SIGLECL1: variants seen among roughly 807,000 people sequenced by gnomAD.
The protein encoded by SIGLECL1 is SIGLEC family like 1.
SIGLECL1 carries 16 observed loss-of-function variants against 19.1 expected under a neutral mutation model. That is an observed-to-expected ratio of 0.84 (90% CI 0.57 to 1.27). The LOEUF is 1.27. Ranked by LOEUF, SIGLECL1 falls within the 50% of genes most tolerant of loss-of-function variation. The probability of loss-of-function intolerance (pLI) is 0.00; values close to 1 mark genes in which losing one functional copy is unlikely to be tolerated. For synonymous variants in SIGLECL1, 89 were observed against 90.4 expected (o/e 0.98, Z 0.09); for missense variants, 210 against 239.4 (o/e 0.88, Z 0.81).
At chr19:51,247,593 A>T (rs536907235), upstream of SIGLECL1, among the ~76,000 whole-genome samples, 1 of 152,024 alleles carries the variant, frequency 6.6e-6, no homozygotes, top group Non-Finnish European at 1.5e-5. Flanking sequence ...TAATTTTTGT[A>T]TTTTTAGTAG....
rs1015851417 is a variant in SIGLECL1 at position 51,254,597 on chromosome 19, G to A, written c.-191+3052G>A. ...CCAGAATAGGCAAATTTATAATTAC[G>A]GAAAATAGATTAGTGGTTGCCTACA... On this transcript the variant is annotated intron_variant, in intron 1 of 5. Coordinates refer to ENST00000601727, the MANE Select transcript of SIGLECL1 (RefSeq NM_001385465.1). Among the ~76,000 whole-genome samples, 23 of 152,170 alleles carry A rather than the reference G, an allele frequency of 1.5e-4. No individual in the cohort carries two copies. In the South Asian group the frequency reaches 1.7e-3, roughly 11 times the overall value.
At position 51,265,755 on chromosome 19, in the gene SIGLECL1, CTCACAT is replaced by C; in HGVS notation, c.305-21_305-16del. ...GAGTTTTGGCTCCGATGCCAAACTT[CTCACAT>C]GCTCTCTGCTTCCAGGAAAGAGTTC... is the stretch of plus-strand genomic sequence containing the variant. On this transcript the variant is annotated splice_polypyrimidine_tract_variant and intron_variant, in intron 3 of 5. Transcript: ENST00000601727. The C allele has an allele frequency of 6.2e-7, 1 of 1,614,082 alleles. No individual in the cohort carries two copies. The highest frequency in any genetic ancestry group is 1.7e-5 in the Admixed American group (1 of 60,030).
At chr19:51,252,591 G>GA (rs1020533895) in intron 1 of SIGLECL1, among the ~76,000 whole-genome samples, 4 of 150,958 alleles carry the variant, frequency 2.6e-5, no homozygotes, top group East Asian at 1.9e-4. Flanking sequence ...AAAGGGGAAG[G>GA]AAAAAAAAAT....
chr19:51,263,357 T>C (rs1039723143), intron 1 of SIGLECL1, among the ~76,000 whole-genome samples: 1 of 152,244 alleles, frequency 6.6e-6, no homozygotes, highest in African/African-American at 2.4e-5. Context: ...TGTTTTACAC[T>C]TCTCACCAAA....
At chr19:51,268,377 CAG>C (rs1164705098) in intron 5 of SIGLECL1, among the ~76,000 whole-genome samples, 192 bp from the exon 6 acceptor site, 3 of 152,092 alleles carry the variant, frequency 2.0e-5, no homozygotes, top group Admixed American at 2.0e-4. Flanking sequence ...TGAAGATGCA[CAG>C]AGAGGACCAG....
rs78793578 is a variant in SIGLECL1, at chr19:51,268,984, C to T, written c.*387C>T. On this transcript the variant is annotated 3_prime_UTR_variant, in exon 6 of 6. Coordinates refer to ENST00000601727, the MANE Select transcript of SIGLECL1 (RefSeq NM_001385465.1). ...AGTGCCTGAGATACACCTACAAGAG[C>T]GCCAGGCTTTCAAGCCTTCATATCT... The T allele has an allele frequency of 4.6e-3, 834 of 182,206 alleles. 6 individuals carry two copies. Among genetic ancestry groups the T allele is most frequent in the African/African-American group, 0.019 (783 of 42,094 alleles). 11.3% of individuals were successfully genotyped at this position (182,206 alleles called of 1,614,324 possible).
At chr19:51,255,782 A>T (rs28765496) in intron 1 of SIGLECL1, among the ~76,000 whole-genome samples, 4,414 of 152,326 alleles carry the variant, frequency 0.029, 204 homozygotes, top group African/African-American at 0.1. Flanking sequence ...AAGGCAAAAG[A>T]TAGCAAGTGT....
At chr19:51,264,331 A>G (rs184513343) in intron 2 of SIGLECL1, 3 of 484,270 alleles carry the variant, frequency 6.2e-6, no homozygotes, top group East Asian at 3.7e-5. Context: ...TGTAGGTGCT[A>G]TGAAGGCATG....
upstream of SIGLECL1, among the ~76,000 whole-genome samples, chr19:51,248,804 T>G (rs273646): frequency 0.66 from 100,236 of 152,072 alleles, 34,493 homozygotes; most frequent in African/African-American, 0.85. Context: ...GAGGTCAACT[T>G]GCAGTTTCTG....
intron 1 of SIGLECL1, among the ~76,000 whole-genome samples, chr19:51,255,610 A>T (rs10425668): frequency 0.072 from 10,901 of 152,228 alleles, 1,271 homozygotes; most frequent in African/African-American, 0.25. Flanking sequence ...CAAATAACCC[A>T]ATTAAAAAAT....
At chr19:51,265,927 A>G (rs1468454922) in intron 4 of SIGLECL1, 45 bp downstream of exon 4, 5 of 1,597,682 alleles carry the variant, frequency 3.1e-6, no homozygotes, top group Admixed American at 3.3e-5. Flanking sequence ...ACTACCGGGC[A>G]GGCCCTGGCT....
At chr19:51,248,697 A>C (rs1030413579), upstream of SIGLECL1, among the ~76,000 whole-genome samples, 1 of 152,244 alleles carries the variant, frequency 6.6e-6, no homozygotes, top group Non-Finnish European at 1.5e-5. Context: ...CCTAGTGGGC[A>C]CACAAGGAAA....
chr19:51,267,431 A>G lies in SIGLECL1; in HGVS notation c.469A>G (p.Ser157Gly). The G allele has an allele frequency of 6.2e-7, 1 of 1,614,160 alleles. No individual in the cohort carries two copies. The highest frequency in any genetic ancestry group is 1.1e-5 in the South Asian group (1 of 91,076). Residue 157 changes from serine to glycine, a missense_variant, in exon 5 of 6, where the codon AGC becomes GGC. Ser to Gly is a moderately conservative substitution (Grantham distance 56, BLOSUM62 0). Transcript: ENST00000601727. ...KKAAAIRAKK[S>G]SKVRASQELE... ...AGCTGCAGCGATCAGAGCAAAAAAG[A>G]GCTCTAAAGTCAGAGCAAGCCAAGA...
chr19:51,249,078 G>T (rs1212268829), upstream of SIGLECL1, among the ~76,000 whole-genome samples: 1 of 152,114 alleles, frequency 6.6e-6, no homozygotes, highest in Non-Finnish European at 1.5e-5. Flanking sequence ...TTCCTATAAA[G>T]ATGGCAAAGG....
In SIGLECL1 at chr19:51,265,470, G is replaced by A. The variant is rs368913658; in HGVS notation, c.125G>A (p.Gly42Glu). Reference sequence around the variant, plus strand: ...ACACCCTCTGTGCAGTGGTGGATGGGAGGAGTCCCCGTGGGTGTGGATGGC... The same window carrying A: ...ACACCCTCTGTGCAGTGGTGGATGGAAGGAGTCCCCGTGGGTGTGGATGGC... ...IPTPSVQWWM[G>E]GVPVGVDGMD... The change falls in exon 3 of 6, where the codon GGA becomes GAA. Residue 42 changes from glycine (G) to glutamate (E), a missense_variant. Physicochemically the swap from Gly to Glu is moderately conservative, Grantham distance 98 (BLOSUM62 -2). Coordinates refer to ENST00000601727, the MANE Select transcript of SIGLECL1 (RefSeq NM_001385465.1). The A allele has an allele frequency of 6.2e-7, 1 of 1,614,150 alleles. No individual in the cohort carries two copies. Among genetic ancestry groups the A allele is most frequent in the Non-Finnish European group, 8.5e-7 (1 of 1,180,020 alleles).
intron 1 of SIGLECL1, among the ~76,000 whole-genome samples, chr19:51,252,237 CAGTGAG>C (rs1982534800): frequency 6.6e-6 from 1 of 150,556 alleles, no homozygotes; most frequent in Admixed American, 6.7e-5. Context: ...GCAGAGGTTG[CAGTGAG>C]CCAAGATCGT....
intron 1 of SIGLECL1, among the ~76,000 whole-genome samples, chr19:51,253,023 A>T (rs1481922242): frequency 2.6e-5 from 4 of 151,988 alleles, no homozygotes; most frequent in African/African-American, 9.7e-5. Context: ...GCTACTCTGG[A>T]GGCTGAGGTG....
At chr19:51,257,811 C>A (rs551921909) in intron 1 of SIGLECL1, 104 of 152,312 alleles carry the variant, frequency 6.8e-4, no homozygotes, top group African/African-American at 2.4e-3. Flanking sequence ...AGCTCAACTT[C>A]AGGAGGAGCT....
chr19:51,262,175 G>C (rs1342913504), intron 1 of SIGLECL1, among the ~76,000 whole-genome samples: 2 of 152,100 alleles, frequency 1.3e-5, no homozygotes, highest in African/African-American at 4.8e-5. Context: ...CTCATAGCTA[G>C]TGCTTTTTGG....
Sources: allele counts gnomAD v4.1 joint callset (sites outside exome capture counted in the v4.1 genomes callset), GRCh38; gene constraint gnomAD v4.1.1; transcripts MANE v1.5; gene names NCBI Gene and HGNC (gene_info 2026-07-23, HGNC 2026-07-21).